ZNF670: variants seen among roughly 807,000 people sequenced by gnomAD.
ZNF670 encodes the protein zinc finger protein 670.
In ZNF670, 7 loss-of-function variants were observed where a neutral mutation model predicts 10.9. The ratio of observed to expected loss-of-function variants is 0.64; its 90% CI spans 0.36 to 1.20. The LOEUF (loss-of-function observed/expected upper bound fraction) is 1.20, where lower values mean the gene tolerates loss of function less well. ZNF670 is among the 50% of genes most tolerant of loss of function. The pLI is 0.02. For missense variants in ZNF670, 446 were observed against 458.6 expected (o/e 0.97, Z 0.25); for synonymous variants, 136 against 152.7 (o/e 0.89, Z 0.81).
Position 247,035,023 on chromosome 1 carries a change from C to T in ZNF670, c.*2426G>A, listed in dbSNP as rs144288074. On this transcript the variant is annotated 3_prime_UTR_variant, in exon 4 of 4. Coordinates refer to ENST00000366503, the MANE Select transcript of ZNF670 (RefSeq NM_033213.5). ...GTTCTACTGTGGGAAGAGGTGGCAA[C>T]AGCTGATAACACAAAGCACTGTGTA... Among the ~76,000 whole-genome samples, 123 of 152,326 alleles carry T rather than the reference C, an allele frequency of 8.1e-4. 1 individual carries two copies. The highest frequency in any genetic ancestry group is 2.7e-3 in the African/African-American group (112 of 41,562).
intron 1 of ZNF670, among the ~76,000 whole-genome samples, chr1:247,058,861 T>C (rs1399103867): frequency 2.0e-5 from 3 of 152,120 alleles, no homozygotes; most frequent in Non-Finnish European, 4.4e-5. Flanking sequence ...ATACGTATTT[T>C]TAAAATTGGA....
At chr1:247,058,353 T>C (rs1670768798) in intron 1 of ZNF670, among the ~76,000 whole-genome samples, 1 of 152,218 alleles carries the variant, frequency 6.6e-6, no homozygotes. Flanking sequence ...CATCTTCAGA[T>C]ACTTTGTGAA....
chr1:247,047,069 A>G (rs1466004530), intron 1 of ZNF670, among the ~76,000 whole-genome samples: 1 of 152,144 alleles, frequency 6.6e-6, no homozygotes, highest in African/African-American at 2.4e-5. Context: ...CTCCACCCCT[A>G]TGGCTTTGCA....
chr1:247,052,165 T>C (rs1288963814), intron 1 of ZNF670, among the ~76,000 whole-genome samples: 1 of 152,186 alleles, frequency 6.6e-6, no homozygotes, highest in Non-Finnish European at 1.5e-5. Context: ...TAAAGAACTT[T>C]ATTTTGTCAT....
In ZNF670 at chr1:247,036,448, T is replaced by A. The variant is rs2103049348; in HGVS notation, c.*1001A>T. Reference sequence around the variant, plus strand: ...CAGGAGGATAGCTTGAGGCCAGGAATTCAATACCAGCCTAGACAATACAGC... The same window carrying A: ...CAGGAGGATAGCTTGAGGCCAGGAAATCAATACCAGCCTAGACAATACAGC... On this transcript the variant is annotated 3_prime_UTR_variant, in exon 4 of 4. Transcript: ENST00000366503. Among the ~76,000 whole-genome samples, 3 of 152,218 alleles carry A rather than the reference T, an allele frequency of 2.0e-5. No individual in the cohort carries two copies. The highest frequency in any genetic ancestry group is 2.0e-4 in the Admixed American group (3 of 15,292).
intron 1 of ZNF670, among the ~76,000 whole-genome samples, chr1:247,070,796 G>A (rs1671096220): frequency 6.6e-6 from 1 of 151,932 alleles, no homozygotes; most frequent in African/African-American, 2.4e-5. Context: ...AGGAAAAATG[G>A]CAAACAACTC....
In ZNF670 at chr1:247,039,335, A is replaced by C. The variant is rs7542409; in HGVS notation, c.130+76T>G. The C allele has an allele frequency of 5.6e-3, 8,627 of 1,538,156 alleles. 423 individuals are homozygous for C. The African/African-American group carries it at 0.1, about 18-fold the overall frequency. ...CTTGGCCTCCCAAAGTGCTGGGATT[A>C]CAGGTGTGAGCCACCACGCCCAGCC... On this transcript the variant is annotated intron_variant, in intron 2 of 3. Transcript: ENST00000366503.
intron 1 of ZNF670, among the ~76,000 whole-genome samples, chr1:247,066,668 G>A (rs1378288366): frequency 2.0e-5 from 3 of 152,134 alleles, no homozygotes; most frequent in East Asian, 1.9e-4. Flanking sequence ...GGCCACGATG[G>A]GAAGAGGGAG....
chr1:247,067,407 G>C (rs1391988123), intron 1 of ZNF670, among the ~76,000 whole-genome samples: 2 of 138,406 alleles, frequency 1.4e-5, no homozygotes, highest in Non-Finnish European at 3.0e-5. Flanking sequence ...TTGCACTCCA[G>C]CCTGGGTGTG....
At chr1:247,068,163 C>G (rs544543769) in intron 1 of ZNF670, among the ~76,000 whole-genome samples, 1 of 149,780 alleles carries the variant, frequency 6.7e-6, no homozygotes, top group African/African-American at 2.5e-5. Context: ...ACTAAAGATA[C>G]AAAAATTGGC....
At position 247,036,099 on chromosome 1, in the gene ZNF670, T is replaced by G. The variant is rs1028739060; in HGVS notation, c.*1350A>C. On this transcript the variant is annotated 3_prime_UTR_variant, in exon 4 of 4. Transcript: ENST00000366503. ...CAGATAACCATAATATATTTATATC[T>G]GAAAGCCAGTTAACGTAATAGACTA... Among the ~76,000 whole-genome samples, 5 of 152,146 alleles carry G rather than the reference T, an allele frequency of 3.3e-5. No homozygotes were observed. The highest frequency in any genetic ancestry group is 1.2e-4 in the African/African-American group (5 of 41,410).
chr1:247,062,268 C>G (rs1434715927), intron 1 of ZNF670, among the ~76,000 whole-genome samples: 1 of 151,938 alleles, frequency 6.6e-6, no homozygotes, highest in Non-Finnish European at 1.5e-5. Flanking sequence ...TTTGTTTTCC[C>G]TGGTAGGACT....
In ZNF670 at chr1:247,065,410, G is replaced by A. The variant is rs1670957754; in HGVS notation, c.3+13184C>T. On this transcript the variant is annotated intron_variant, in intron 1 of 3. Transcript: ENST00000366503. ...AAAACCTAAGGAGTTAACTCCGTGA[G>A]CATAACATGCCCTTCTGTCTTCCAA... Among the ~76,000 whole-genome samples the A allele has an allele frequency of 2.0e-5, 3 of 152,284 alleles. No individual in the cohort carries two copies. In the South Asian group the frequency reaches 6.2e-4, roughly 32 times the overall value.
chr1:247,043,001 A>G (rs1349063402), intron 1 of ZNF670: 4 of 772,482 alleles, frequency 5.2e-6, no homozygotes, highest in Admixed American at 3.8e-5. Flanking sequence ...AAGGAGATGC[A>G]GAAAGTGAAT....
chr1:247,054,478 T>C (rs533292233), intron 1 of ZNF670, among the ~76,000 whole-genome samples: 1 of 152,358 alleles, frequency 6.6e-6, no homozygotes, highest in African/African-American at 2.4e-5. Context: ...TCCAGTAGGA[T>C]AGGGCACTGG....
intron 1 of ZNF670, among the ~76,000 whole-genome samples, chr1:247,045,625 A>C (rs1221037848): frequency 1.3e-5 from 2 of 152,194 alleles, no homozygotes; most frequent in Non-Finnish European, 2.9e-5. Flanking sequence ...TAAACTACCC[A>C]GTCTTAGGTA....
rs968669163 is a variant in ZNF670, at chr1:247,036,474, G to A, written c.*975C>T. Among the ~76,000 whole-genome samples, 5 of 152,060 alleles carry A rather than the reference G, an allele frequency of 3.3e-5. No homozygotes were observed. The highest frequency in any genetic ancestry group is 4.8e-5 in the African/African-American group (2 of 41,400). On this transcript the variant is annotated 3_prime_UTR_variant, in exon 4 of 4. Transcript: ENST00000366503. ...TCAATACCAGCCTAGACAATACAGC[G>A]AGATCCCATCTCTATAAAAAATTTT...
intron 1 of ZNF670, among the ~76,000 whole-genome samples, chr1:247,072,990 T>A (rs1671173867): frequency 6.6e-6 from 1 of 151,302 alleles, no homozygotes; most frequent in African/African-American, 2.4e-5. Flanking sequence ...ATAGTTAATC[T>A]ACAAAGAATA....
chr1:247,037,587 C>T lies in ZNF670; in HGVS notation c.1032G>A (p.Lys344=). ...VKPYGCKECG[K]SFTSSSALRS... ...GAAGGGCACTGGAAGAAGTAAACGA[C>T]TTACCACATTCCTTACATCCATAAG... is the stretch of plus-strand genomic sequence containing the variant. Residue 344 remains lysine, a synonymous_variant, in exon 4 of 4, where the codon AAG becomes AAA. Transcript: ENST00000366503. 1 of 1,613,506 alleles carries T rather than the reference C, an allele frequency of 6.2e-7. No homozygotes were observed. Among genetic ancestry groups the T allele is most frequent in the South Asian group, 1.1e-5 (1 of 91,046 alleles).
Sources: gnomAD v4.1 joint callset for allele counts (sites outside exome capture counted in the v4.1 genomes callset) on GRCh38, gnomAD v4.1.1 for gene constraint, MANE v1.5 for transcripts, NCBI Gene and HGNC (gene_info 2026-07-23, HGNC 2026-07-21) for gene names.